The following ADRA1B variants were observed in gnomAD, a reference collection of about 807,000 sequenced individuals.
ADRA1B encodes alpha-1B adrenergic receptor.
Under a neutral mutation model 17.9 loss-of-function variants are expected in ADRA1B, and 17 were observed. The observed-to-expected ratio is 0.95, with a 90% CI of 0.65 to 1.42. The LOEUF (loss-of-function observed/expected upper bound fraction) is 1.42. Among genes scored for constraint, ADRA1B ranks in the 40% most tolerant of loss-of-function variants. The probability of loss-of-function intolerance (pLI) is 0.00; values close to 1 mark genes in which losing one functional copy is unlikely to be tolerated. For missense variants in ADRA1B, 681 were observed against 722.1 expected (o/e 0.94, Z 0.65); for synonymous variants, 366 against 327.6 (o/e 1.12, Z -1.27).
intron 1 of ADRA1B, among the ~76,000 whole-genome samples, chr5:159,959,121 G>C (rs937367538): frequency 6.6e-6 from 1 of 152,178 alleles, no homozygotes; most frequent in Non-Finnish European, 1.5e-5. Flanking sequence ...AGTTCCCAAA[G>C]AGTTAAGAGG....
At chr5:159,976,559 C>T (rs923647693), downstream of ADRA1B, among the ~76,000 whole-genome samples, 1 of 150,610 alleles carries the variant, frequency 6.6e-6, no homozygotes, top group Non-Finnish European at 1.5e-5. Context: ...CCCAGCTACT[C>T]GGGAGGCTAA....
At chr5:159,942,308 C>T (rs4921100) in intron 1 of ADRA1B, among the ~76,000 whole-genome samples, 19,202 of 152,020 alleles carry the variant, frequency 0.13, 1,409 homozygotes, top group Non-Finnish European at 0.16. Flanking sequence ...TACTAAAAAC[C>T]GCTAAATTGT....
At chr5:159,911,093 G>A (rs1754222370) in intron 1 of ADRA1B, among the ~76,000 whole-genome samples, 1 of 152,136 alleles carries the variant, frequency 6.6e-6, no homozygotes, top group African/African-American at 2.4e-5. Flanking sequence ...TCTTGAGAAG[G>A]TCATGGGGCA....
intron 1 of ADRA1B, among the ~76,000 whole-genome samples, chr5:159,961,279 G>GA (rs1417082572): frequency 6.6e-6 from 1 of 152,202 alleles, no homozygotes; most frequent in Admixed American, 6.5e-5. Flanking sequence ...GGCTGTTGGA[G>GA]AATTACAATA....
chr5:159,948,026 T>C (rs780916392), intron 1 of ADRA1B: 33 of 985,470 alleles, frequency 3.3e-5, no homozygotes, highest in Non-Finnish European at 3.9e-5. Context: ...TTAGTAAGCA[T>C]GGCCACACTG....
chr5:159,981,122 A>G, the ADRA1B span, among the ~76,000 whole-genome samples: 5 of 152,222 alleles, frequency 3.3e-5, no homozygotes, highest in African/African-American at 4.8e-5. Flanking sequence ...ATTTTACATT[A>G]CCACCCAGTA....
intron 1 of ADRA1B, chr5:159,950,660 C>T (rs1581061318): frequency 1.3e-6 from 1 of 762,552 alleles, no homozygotes; most frequent in South Asian, 1.4e-5. Flanking sequence ...GAGGAGACAA[C>T]CTGGTGCTCA....
At chr5:159,879,499 T>C (rs1284866859) in intron 1 of ADRA1B, among the ~76,000 whole-genome samples, 1 of 152,234 alleles carries the variant, frequency 6.6e-6, no homozygotes, top group Non-Finnish European at 1.5e-5. Flanking sequence ...TGCTGAATCC[T>C]GCCCTTCATC....
downstream of ADRA1B, among the ~76,000 whole-genome samples, chr5:159,977,483 T>A (rs1755990932): frequency 6.6e-6 from 1 of 152,186 alleles, no homozygotes; most frequent in Non-Finnish European, 1.5e-5. Flanking sequence ...ATGGGGGTGA[T>A]GGTGAAGTGC....
intron 1 of ADRA1B, among the ~76,000 whole-genome samples, chr5:159,900,215 A>T (rs1308003958): frequency 6.6e-6 from 1 of 152,194 alleles, no homozygotes; most frequent in Admixed American, 6.5e-5. Context: ...GTTATTCTTA[A>T]GCATTTATTC....
At chr5:159,905,427 T>C (rs1313967639) in intron 1 of ADRA1B, among the ~76,000 whole-genome samples, 1 of 152,250 alleles carries the variant, frequency 6.6e-6, no homozygotes, top group Non-Finnish European at 1.5e-5. Flanking sequence ...GAGAATGCCA[T>C]TGAAAGACAA....
chr5:159,894,026 C>G (rs1181053040), intron 1 of ADRA1B, among the ~76,000 whole-genome samples: 1 of 152,208 alleles, frequency 6.6e-6, no homozygotes, highest in African/African-American at 2.4e-5. Flanking sequence ...AGGACTCAGG[C>G]TGGCCCCTCA....
intron 1 of ADRA1B, among the ~76,000 whole-genome samples, chr5:159,880,819 T>C (rs185917703): frequency 6.6e-6 from 1 of 152,312 alleles, no homozygotes; most frequent in East Asian, 1.9e-4. Context: ...CATTCCACAC[T>C]TGAAATTATT....
intron 1 of ADRA1B, among the ~76,000 whole-genome samples, chr5:159,882,559 C>A (rs1753874259): frequency 6.6e-6 from 1 of 152,200 alleles, no homozygotes; most frequent in Non-Finnish European, 1.5e-5. Context: ...AAAAAGAGAA[C>A]AATGATTTCT....
chr5:159,978,850 A>G, the ADRA1B span, among the ~76,000 whole-genome samples: 1 of 152,190 alleles, frequency 6.6e-6, no homozygotes, highest in Admixed American at 6.5e-5. Context: ...TCCTCACCAA[A>G]CAGCACCTGA....
intron 1 of ADRA1B, among the ~76,000 whole-genome samples, chr5:159,933,181 C>A (rs540856194): frequency 1.3e-5 from 2 of 152,222 alleles, no homozygotes; most frequent in South Asian, 4.1e-4. Flanking sequence ...TGAGGTTAAG[C>A]ATCTTTTCAT....
At chr5:159,971,095 C>G (rs1755857313) in intron 1 of ADRA1B, among the ~76,000 whole-genome samples, 2 of 152,226 alleles carry the variant, frequency 1.3e-5, no homozygotes, top group African/African-American at 2.4e-5. Context: ...AGCCACTGCA[C>G]TCAGCCTCTT....
chr5:159,897,586 G>T (rs965765881), intron 1 of ADRA1B, among the ~76,000 whole-genome samples: 11 of 152,118 alleles, frequency 7.2e-5, no homozygotes, highest in African/African-American at 2.4e-4. Flanking sequence ...TCCTCCAATG[G>T]CTTTCCAAGG....
intron 1 of ADRA1B, among the ~76,000 whole-genome samples, chr5:159,929,656 G>A (rs772592900): frequency 4.0e-5 from 6 of 151,272 alleles, no homozygotes; most frequent in Admixed American, 2.6e-4. Context: ...GTGCCATCAC[G>A]CCTTGTAACT....
Sources: gnomAD v4.1 joint callset for allele counts (sites outside exome capture counted in the v4.1 genomes callset) on GRCh38, gnomAD v4.1.1 for gene constraint, MANE v1.5 for transcripts, NCBI Gene and HGNC (gene_info 2026-07-23, HGNC 2026-07-21) for gene names.